The following CDH26 variants were observed in gnomAD, a reference collection of about 807,000 sequenced individuals.
CDH26 encodes the protein cadherin 26, also known as cadherin-like protein 26.
A neutral mutation model predicts 90.3 loss-of-function variants in CDH26; 83 were observed. That is an observed-to-expected ratio of 0.92 (90% CI 0.77 to 1.10). The LOEUF is 1.10. CDH26 is among the 50% of genes least tolerant of loss of function. The pLI is 0.00. For missense variants in CDH26, 1,013 were observed against 1,037.6 expected, an observed-to-expected ratio of 0.98 and a Z score of 0.33; for synonymous variants, 397 against 396.3, an observed-to-expected ratio of 1.00 and a Z score of -0.02.
intron 7 of CDH26, among the ~76,000 whole-genome samples, chr20:60,020,983 G>A (rs1239582857): frequency 6.6e-6 from 1 of 152,180 alleles, no homozygotes; most frequent in African/African-American, 2.4e-5. Flanking sequence ...GAGATGGGGT[G>A]CAGATGCACG....
intron 1 of CDH26, among the ~76,000 whole-genome samples, chr20:59,968,002 TCTTTCTTTCTTC>T (rs1296790671): frequency 3.2e-5 from 4 of 126,042 alleles, no homozygotes; most frequent in South Asian, 2.6e-4. Flanking sequence ...TTTCTTTCTT[TCTTTCTTTCTTC>T]CTTTCTCTCT....
chr20:60,017,596 G>A (rs951825593), downstream of CDH26, among the ~76,000 whole-genome samples: 10 of 151,524 alleles, frequency 6.6e-5, no homozygotes, highest in African/African-American at 1.9e-4. Flanking sequence ...TTCTGGTCTC[G>A]ATTTTGTTTA....
intron 1 of CDH26, among the ~76,000 whole-genome samples, chr20:59,967,852 TCTTTCTTTCTTTCTTTCTTTCTTTCTTC>T (rs1320002437): frequency 1.5e-4 from 17 of 110,830 alleles, no homozygotes; most frequent in African/African-American, 8.5e-4. Context: ...TTTCTTTCTT[TCTTTCTTTCTTTCTTTCTTTCTTTCTTC>T]CTTCCTTCCT....
In CDH26 at chr20:59,958,655, C is replaced by A. The variant is rs1262989226; in HGVS notation, c.-72C>A. The stretch of plus-strand genomic sequence containing the variant: ...TGCTGGCTGAGAAGGAGGTGTGTGG[C>A]TCCGGTGAGACCACCAGCTTGGAGG... On this transcript the variant is annotated 5_prime_UTR_variant, in exon 1 of 18. Transcript: ENST00000348616. 6.1e-6 allele frequency: 9 copies of A among 1,464,220 alleles called. No individual in the cohort carries two copies. Among genetic ancestry groups the A allele is most frequent in the Non-Finnish European group, 8.6e-6 (9 of 1,046,298 alleles). The allele number at this position is 1,464,220 out of a possible 1,614,324, so 90.7% of individuals were successfully genotyped here. A position where few individuals can be genotyped will look rare whatever the true frequency, so the allele number is the denominator to read the frequency against.
rs940695788 is a variant in CDH26 at position 60,002,969 on chromosome 20, A to AT, written c.2220+104dup. ...TTGGAAATTTGGAAGGAAAGAGGTG[A>AT]TAAAAAAAAATATGCCCAACATCCA... On this transcript the variant is annotated intron_variant, in intron 16 of 17. Transcript: ENST00000348616. 8.2e-6 allele frequency: 6 copies of AT among 733,966 alleles called. No individual in the cohort carries two copies. The African/African-American group carries it at 9.0e-5, about 11-fold the overall frequency. 45.5% of individuals were successfully genotyped at this position (733,966 alleles called of 1,614,324 possible).
intron 7 of CDH26, among the ~76,000 whole-genome samples, chr20:60,024,319 A>C (rs2061980500): frequency 6.6e-6 from 1 of 152,176 alleles, no homozygotes; most frequent in Non-Finnish European, 1.5e-5. Flanking sequence ...CTCTGAGAAC[A>C]CAAGGCCATG....
chr20:60,011,397 G>C (rs187522912), intron 17 of CDH26, among the ~76,000 whole-genome samples: 15 of 152,358 alleles, frequency 9.8e-5, no homozygotes, highest in African/African-American at 3.1e-4. Flanking sequence ...CAATCAGCTA[G>C]TGTGAAATCA....
rs1432670785 is a variant in CDH26, at chr20:59,970,060, C to T, written c.127-22C>T. On this transcript the variant is annotated intron_variant, in intron 2 of 17. Coordinates refer to ENST00000348616, the MANE Select transcript of CDH26 (RefSeq NM_177980.4). ...AGCATCACTGCCATCCTCATTGTCA[C>T]CAGTGTCACTATAAGTTCCAGGAAA... 3.1e-6 allele frequency: 5 copies of T among 1,607,414 alleles called. No individual in the cohort carries two copies. The South Asian group carries it at 5.5e-5, about 18-fold the overall frequency.
At chr20:60,011,479 T>C (rs1366668430) in intron 17 of CDH26, among the ~76,000 whole-genome samples, 2 of 152,246 alleles carry the variant, frequency 1.3e-5, no homozygotes, top group Admixed American at 6.5e-5. Context: ...TAAATATGTG[T>C]TCTGATACCA....
Position 60,008,462 on chromosome 20 carries a change from A to G in CDH26, c.2295+1675A>G, listed in dbSNP as rs374815502. Among the ~76,000 whole-genome samples, 4 of 152,196 alleles carry G rather than the reference A, an allele frequency of 2.6e-5. No homozygotes were observed. The South Asian group carries it at 6.2e-4, about 24-fold the overall frequency. On this transcript the variant is annotated intron_variant, in intron 17 of 17. Transcript: ENST00000348616. Reference sequence around the variant, plus strand: ...CAGGGTCTAGGCACTTAGGGGGCTCATTAAAAAGCAGCAATCCCCAGTACC... The same window carrying G: ...CAGGGTCTAGGCACTTAGGGGGCTCGTTAAAAAGCAGCAATCCCCAGTACC...
chr20:60,033,344 C>T, intron 8 of CDH26: 1 of 1,145,278 alleles, frequency 8.7e-7, no homozygotes, highest in East Asian at 6.1e-5. Flanking sequence ...TGTTTAACCT[C>T]CTTCGTGTAC....
At chr20:60,002,592 C>A (rs556738149) in intron 15 of CDH26, among the ~76,000 whole-genome samples, 1 of 152,128 alleles carries the variant, frequency 6.6e-6, no homozygotes, top group African/African-American at 2.4e-5. Context: ...TGTTAATGGA[C>A]CCAAGATAGA....
rs145087184 is a variant in CDH26 at position 59,983,233 on chromosome 20, C to T, written c.541+163C>T. Among the ~76,000 whole-genome samples, 10 of 152,176 alleles carry T rather than the reference C, an allele frequency of 6.6e-5. No homozygotes were observed. In the East Asian group the frequency reaches 1.7e-3, roughly 26 times the overall value. The stretch of plus-strand genomic sequence containing the variant: ...GATCTGAGCGAAATGCTTTGAGGTC[C>T]GTAAGCCTCATTTTGTATCGGCAAT... On this transcript the variant is annotated intron_variant, in intron 5 of 17. Transcript: ENST00000348616.
rs561216938 is a variant in CDH26, at chr20:60,031,956, T to G, written c.1143+530T>G. Among the ~76,000 whole-genome samples, 13 of 152,370 alleles carry G rather than the reference T, an allele frequency of 8.5e-5. No individual in the cohort carries two copies. In the South Asian group the frequency reaches 2.5e-3, roughly 29 times the overall value. On this transcript the variant is annotated intron_variant, in intron 8 of 8. Coordinates refer to the CDH26 transcript ENST00000370991. The stretch of plus-strand genomic sequence containing the variant: ...ACTGCATGGAAGGCCTGCCTCTTTC[T>G]TTAAGTCAGTTATTAATATGAAATG...
At chr20:60,018,636 A>G (rs2061925662), downstream of CDH26, among the ~76,000 whole-genome samples, 1 of 115,192 alleles carries the variant, frequency 8.7e-6, no homozygotes, top group African/African-American at 3.3e-5. Flanking sequence ...CTGTCATTTT[A>G]TTGATTTATT....
At position 59,992,266 on chromosome 20, in the gene CDH26, C is replaced by A; in HGVS notation, c.1284-112C>A. ...ATTGCTCTTAGAATTTCTCAAATTA[C>A]TTGTGGTAGAAATAGTGTTTCTATG... On this transcript the variant is annotated intron_variant, in intron 9 of 17. Transcript: ENST00000348616. This position sits in a 1 kb window ranked among gnomAD's most constrained non-coding sequence, Gnocchi z 5.0. The A allele has an allele frequency of 1.0e-6, 1 of 1,002,390 alleles. No individual in the cohort carries two copies. The highest frequency in any genetic ancestry group is 1.5e-6 in the Non-Finnish European group (1 of 684,442). 62.1% of individuals were successfully genotyped at this position (1,002,390 alleles called of 1,614,324 possible). A position where few individuals can be genotyped will look rare whatever the true frequency, so the allele number is the denominator to read the frequency against.
chr20:59,958,812 G>A lies in CDH26; in HGVS notation c.69+17G>A, dbSNP rs771116800. The A allele has an allele frequency of 6.5e-5, 104 of 1,611,104 alleles. No homozygotes were observed. Among genetic ancestry groups the A allele is most frequent in the Non-Finnish European group, 8.1e-5 (95 of 1,178,468 alleles). On this transcript the variant is annotated intron_variant, in intron 1 of 17. Coordinates refer to ENST00000348616, the MANE Select transcript of CDH26 (RefSeq NM_177980.4). The stretch of plus-strand genomic sequence containing the variant: ...CTGCTGCAGGTAAGCTGAGCCTGCA[G>A]CCTAGTGCTCAGGTGCAGGGAACTG...
intron 5 of CDH26, among the ~76,000 whole-genome samples, chr20:59,983,394 A>G (rs1188469596): frequency 6.6e-6 from 1 of 152,170 alleles, no homozygotes; most frequent in Non-Finnish European, 1.5e-5. Flanking sequence ...TGTCTGTAAA[A>G]TGGCAACACG....
chr20:60,010,024 G>A (rs1047610955), intron 17 of CDH26, among the ~76,000 whole-genome samples: 9 of 152,212 alleles, frequency 5.9e-5, no homozygotes, highest in Admixed American at 3.3e-4. Flanking sequence ...CAGTCAATGG[G>A]CCAGATGTGC....
Sources: gnomAD v4.1 joint callset for allele counts (sites outside exome capture counted in the v4.1 genomes callset) on GRCh38, gnomAD v4.1.1 for gene constraint, Gnocchi (gnomAD v3.1) non-coding constraint, MANE v1.5 for transcripts, NCBI Gene and HGNC (gene_info 2026-07-23, HGNC 2026-07-21) for gene names.